Variants in DEPTOR observed in about 807,000 individuals in gnomAD.
The protein encoded by DEPTOR is DEP domain-containing mTOR-interacting protein.
In DEPTOR, 41 loss-of-function variants were observed where a neutral mutation model predicts 41.6. The ratio of observed to expected loss-of-function variants is 0.98; its 90% CI spans 0.77 to 1.28. The LOEUF (loss-of-function observed/expected upper bound fraction) is 1.28, where lower values mean the gene tolerates loss of function less well. Among genes scored for constraint, DEPTOR ranks in the 50% most tolerant of loss-of-function variants. DEPTOR has a pLI of 0.00. For missense variants in DEPTOR, 514 were observed against 527.9 expected (o/e 0.97, Z 0.26); for synonymous variants, 195 against 192.3 (o/e 1.01, Z -0.12).
intron 4 of DEPTOR, among the ~76,000 whole-genome samples, chr8:119,973,415 A>G (rs1828658102): frequency 6.6e-6 from 1 of 152,040 alleles, no homozygotes; most frequent in African/African-American, 2.4e-5. Context: ...TTAATTTTTC[A>G]TAGAGACGGG....
intron 5 of DEPTOR, among the ~76,000 whole-genome samples, chr8:120,001,997 G>A (rs1812357696): frequency 6.6e-6 from 1 of 152,054 alleles, no homozygotes; most frequent in Admixed American, 6.5e-5. Flanking sequence ...TGCCTGGCAT[G>A]GTGGCACACA....
chr8:119,886,961 A>T (rs2129695374), intron 1 of DEPTOR, among the ~76,000 whole-genome samples: 1 of 152,326 alleles, frequency 6.6e-6, no homozygotes, highest in Middle Eastern at 3.4e-3. Context: ...GTGAAATAAG[A>T]GAAGGCTTTT....
chr8:119,978,462 T>C (rs1222021995), intron 4 of DEPTOR, among the ~76,000 whole-genome samples: 1 of 152,178 alleles, frequency 6.6e-6, no homozygotes, highest in Non-Finnish European at 1.5e-5. Context: ...TGGTATTAAG[T>C]TCCAGTTCCT....
At chr8:119,962,917 G>A (rs1003310405) in intron 3 of DEPTOR, among the ~76,000 whole-genome samples, 2 of 152,142 alleles carry the variant, frequency 1.3e-5, no homozygotes, top group East Asian at 3.9e-4. Context: ...GAGGGGCCAA[G>A]GACAATGCCT....
In DEPTOR at chr8:119,941,623, T is replaced by C. The variant is rs568181614; in HGVS notation, c.425+11685T>C. ...AGCAGAGTAAGCCTGGAGATGTTGA[T>C]AATGATGAAGGCAGCAAACCCAGGG... is the stretch of plus-strand genomic sequence containing the variant. On this transcript the variant is annotated intron_variant, in intron 3 of 8. Coordinates refer to ENST00000286234, the MANE Select transcript of DEPTOR (RefSeq NM_022783.4). Among the ~76,000 whole-genome samples, 42 of 152,232 alleles carry C rather than the reference T, an allele frequency of 2.8e-4. 1 individual carries two copies. In the South Asian group the frequency reaches 8.5e-3, roughly 31 times the overall value.
chr8:119,929,680 C>T (rs1401689137), intron 2 of DEPTOR, 135 bp from the exon 3 acceptor site: 34 of 1,186,482 alleles, frequency 2.9e-5, no homozygotes, highest in Non-Finnish European at 3.9e-5. Flanking sequence ...CAAGTATTAG[C>T]TCATATGGTA....
chr8:119,938,944 GCTCTCTCTCT>G lies in DEPTOR; in HGVS notation c.425+9027_425+9036del, dbSNP rs139892847. 3.8e-3 allele frequency among the ~76,000 whole-genome samples: 483 copies of G among 126,022 alleles called. 2 individuals are homozygous for G. The highest frequency in any genetic ancestry group is 5.4e-3 in the Non-Finnish European group (325 of 60,074). The allele number at this position is 126,022 out of a possible 152,430, so 82.7% of individuals were successfully genotyped here. A position where few individuals can be genotyped will look rare whatever the true frequency, so the allele number is the denominator to read the frequency against. On this transcript the variant is annotated intron_variant, in intron 3 of 8. Coordinates refer to ENST00000286234, the MANE Select transcript of DEPTOR (RefSeq NM_022783.4). Reference sequence around the variant, plus strand: ...CTTTCTTTTCATTGTGTTCCTTCTTGCTCTCTCTCTCTCTCTCTCTCTCTCTCTCTGTGTT... The same window carrying G: ...CTTTCTTTTCATTGTGTTCCTTCTTGCTCTCTCTCTCTCTCTCTCTGTGTT...
At chr8:119,978,465 C>T (rs1357635022) in intron 4 of DEPTOR, among the ~76,000 whole-genome samples, 1 of 152,136 alleles carries the variant, frequency 6.6e-6, no homozygotes, top group Non-Finnish European at 1.5e-5. Flanking sequence ...TATTAAGTTC[C>T]AGTTCCTGAT....
chr8:119,940,565 G>C, intron 3 of DEPTOR, among the ~76,000 whole-genome samples: 1 of 152,078 alleles, frequency 6.6e-6, no homozygotes, highest in East Asian at 1.9e-4. Flanking sequence ...GGCCAACTTG[G>C]CAAAACCTCG....
chr8:120,002,926 T>A, intron 5 of DEPTOR, 51 bp from the exon 6 acceptor site: 1 of 1,539,348 alleles, frequency 6.5e-7, no homozygotes. Flanking sequence ...TGTGCTCTAG[T>A]GAGCCGAGAC....
chr8:119,884,142 C>T (rs1179488606), intron 1 of DEPTOR, among the ~76,000 whole-genome samples: 1 of 152,208 alleles, frequency 6.6e-6, no homozygotes, highest in African/African-American at 2.4e-5. Context: ...ACCGCAACCT[C>T]CGGTTCCCAG....
At chr8:119,918,382 C>G (rs906221263) in intron 1 of DEPTOR, among the ~76,000 whole-genome samples, 1 of 152,166 alleles carries the variant, frequency 6.6e-6, no homozygotes, top group Non-Finnish European at 1.5e-5. Context: ...AGTTAGGACT[C>G]TGACTTGTTT....
intron 1 of DEPTOR, among the ~76,000 whole-genome samples, chr8:119,879,953 C>A (rs1827277703): frequency 1.3e-5 from 2 of 151,974 alleles, no homozygotes; most frequent in Admixed American, 1.3e-4. Context: ...ACCAGCCTGG[C>A]CAAGATGGTG....
intron 4 of DEPTOR, among the ~76,000 whole-genome samples, chr8:119,996,135 A>T (rs928644066): frequency 6.6e-6 from 1 of 152,214 alleles, no homozygotes; most frequent in Non-Finnish European, 1.5e-5. Context: ...GTGAATAAAC[A>T]CGTGGCAACC....
chr8:119,900,808 C>T lies in DEPTOR; in HGVS notation c.122+26840C>T, dbSNP rs979036009. Among the ~76,000 whole-genome samples, 6 of 152,218 alleles carry T rather than the reference C, an allele frequency of 3.9e-5. No homozygotes were observed. The South Asian group carries it at 1.0e-3, about 26-fold the overall frequency. ...TTGATATAGAATAACCATCTTATCC[C>T]TCACATTTGTATGAGCTCTAATACC... is the stretch of plus-strand genomic sequence containing the variant. On this transcript the variant is annotated intron_variant, in intron 1 of 8. Transcript: ENST00000286234.
intron 1 of DEPTOR, among the ~76,000 whole-genome samples, chr8:119,924,361 A>G (rs1023560256): frequency 2.9e-5 from 4 of 138,370 alleles, no homozygotes; most frequent in African/African-American, 1.1e-4. Context: ...CCCAACAGCC[A>G]TTTCAACTGT....
At chr8:120,019,487 G>A (rs1323439569) in intron 8 of DEPTOR, among the ~76,000 whole-genome samples, 1 of 152,110 alleles carries the variant, frequency 6.6e-6, no homozygotes, top group Non-Finnish European at 1.5e-5. Flanking sequence ...ACGCGATCCT[G>A]TCACGAGAAA....
intron 8 of DEPTOR, among the ~76,000 whole-genome samples, chr8:120,039,926 T>C (rs570654239): frequency 6.6e-6 from 1 of 152,244 alleles, no homozygotes; most frequent in Non-Finnish European, 1.5e-5. Flanking sequence ...CTCACTGCAG[T>C]CTCTGCCTCT....
At chr8:119,930,760 T>G (rs1290096927) in intron 3 of DEPTOR, among the ~76,000 whole-genome samples, 1 of 152,042 alleles carries the variant, frequency 6.6e-6, no homozygotes, top group Non-Finnish European at 1.5e-5. Context: ...ATCTTCTGAG[T>G]GGCCATCTCT....
Sources: gnomAD v4.1 joint callset for allele counts (sites outside exome capture counted in the v4.1 genomes callset) on GRCh38, gnomAD v4.1.1 for gene constraint, MANE v1.5 for transcripts, NCBI Gene and HGNC (gene_info 2026-07-23, HGNC 2026-07-21) for gene names.